The following PTPRM variants were observed in gnomAD, a reference collection of about 807,000 sequenced individuals.
The protein encoded by PTPRM is receptor-type tyrosine-protein phosphatase mu.
PTPRM carries 47 observed loss-of-function variants against 186.7 expected under a neutral mutation model. That is an observed-to-expected ratio of 0.25 (90% CI 0.20 to 0.32). The LOEUF is 0.32. PTPRM is among the 10% of genes least tolerant of loss of function. The probability of loss-of-function intolerance (pLI) is 1.00; values close to 1 mark genes in which losing one functional copy is unlikely to be tolerated. For missense variants in PTPRM, 1,494 were observed against 1,865.0 expected (o/e 0.80, Z 3.66); for synonymous variants, 668 against 674.9 (o/e 0.99, Z 0.16).
At chr18:7,684,594 C>A (rs908161842) in intron 1 of PTPRM, among the ~76,000 whole-genome samples, 1 of 152,144 alleles carries the variant, frequency 6.6e-6, no homozygotes, top group Non-Finnish European at 1.5e-5. Context: ...TAGAATCATA[C>A]GCTATTTGTC....
At chr18:8,304,820 T>A (rs1367287751) in intron 20 of PTPRM, among the ~76,000 whole-genome samples, 1 of 44,148 alleles carries the variant, frequency 2.3e-5, no homozygotes, top group Non-Finnish European at 5.2e-5. Flanking sequence ...CTGTTGACTT[T>A]ATTTTTTTTT....
chr18:7,772,353 TTCTTTCTTTC>T (rs2042329538), intron 1 of PTPRM, among the ~76,000 whole-genome samples: 1 of 17,008 alleles, frequency 5.9e-5, no homozygotes, highest in Non-Finnish European at 1.5e-4. Flanking sequence ...TTCTTTCTCT[TTCTTTCTTTC>T]TTTCTTTCTT....
intron 14 of PTPRM, among the ~76,000 whole-genome samples, chr18:8,219,519 A>T (rs1316046269): frequency 6.6e-6 from 1 of 152,166 alleles, no homozygotes; most frequent in Non-Finnish European, 1.5e-5. Context: ...GCCCAAGGAA[A>T]AACAGTCTTA....
intron 2 of PTPRM, among the ~76,000 whole-genome samples, chr18:7,859,742 G>A (rs2047266845): frequency 6.6e-6 from 1 of 152,328 alleles, no homozygotes; most frequent in African/African-American, 2.4e-5. Context: ...ACCAGAGCTA[G>A]TAGAAATTCT....
intron 19 of PTPRM, among the ~76,000 whole-genome samples, chr18:8,282,658 G>A (rs1470806200): frequency 6.6e-6 from 1 of 152,060 alleles, no homozygotes; most frequent in Non-Finnish European, 1.5e-5. Context: ...GCTAAACCCT[G>A]TCGCAAAAAA....
At chr18:7,571,371 A>C (rs58012967) in intron 1 of PTPRM, among the ~76,000 whole-genome samples, 12,829 of 152,300 alleles carry the variant, frequency 0.084, 932 homozygotes, top group East Asian at 0.27. Flanking sequence ...AGACATGAGA[A>C]AGAAAGTTAA....
chr18:7,714,910 G>A (rs182278020), intron 1 of PTPRM, among the ~76,000 whole-genome samples: 112 of 152,188 alleles, frequency 7.4e-4, no homozygotes, highest in African/African-American at 2.2e-3. Flanking sequence ...AGGACCAGAC[G>A]GACTCACAGC....
intron 2 of PTPRM, among the ~76,000 whole-genome samples, chr18:7,865,294 G>T (rs1368504117): frequency 6.6e-6 from 1 of 150,574 alleles, no homozygotes; most frequent in Non-Finnish European, 1.5e-5. Flanking sequence ...TCCAGTTTTT[G>T]CCCTTCAGTA....
chr18:8,402,602 G>A (rs776488978), intron 32 of PTPRM, among the ~76,000 whole-genome samples: 26 of 152,196 alleles, frequency 1.7e-4, no homozygotes, highest in Non-Finnish European at 2.4e-4. Context: ...GGATGGGACC[G>A]TGTAGATTTC....
chr18:8,028,778 A>C (rs1263883329), intron 7 of PTPRM, among the ~76,000 whole-genome samples: 1 of 152,222 alleles, frequency 6.6e-6, no homozygotes, highest in Non-Finnish European at 1.5e-5. Context: ...GCTGAATAAC[A>C]ATAGCATTTA....
chr18:7,881,796 C>T (rs1009267554), intron 2 of PTPRM, among the ~76,000 whole-genome samples: 2 of 152,142 alleles, frequency 1.3e-5, no homozygotes, highest in African/African-American at 4.8e-5. Flanking sequence ...TTCCTTGAAG[C>T]CGGGTCTTTT....
chr18:8,072,328 C>T (rs1321736624), intron 8 of PTPRM, among the ~76,000 whole-genome samples: 1 of 152,132 alleles, frequency 6.6e-6, no homozygotes, highest in Non-Finnish European at 1.5e-5. Context: ...TGAGAACTGT[C>T]ATGAGCTAGG....
At chr18:8,069,555 G>T in intron 7 of PTPRM, 131 bp from the exon 8 acceptor site, 1 of 814,614 alleles carries the variant, frequency 1.2e-6, no homozygotes. Flanking sequence ...CAAGATTTAG[G>T]GATTTATTAT....
chr18:7,776,304 A>G (rs1685273058), intron 2 of PTPRM, among the ~76,000 whole-genome samples: 2 of 152,094 alleles, frequency 1.3e-5, no homozygotes, highest in South Asian at 2.1e-4. Context: ...CTCACCCCCA[A>G]ACAGATTGCA....
intron 2 of PTPRM, among the ~76,000 whole-genome samples, chr18:7,789,755 G>A (rs2043250506): frequency 1.3e-5 from 2 of 152,182 alleles, no homozygotes; most frequent in African/African-American, 4.8e-5. Context: ...GGGAAGGGTT[G>A]CCTTCGCTGA....
At chr18:7,847,886 C>A (rs2046674413) in intron 2 of PTPRM, among the ~76,000 whole-genome samples, 1 of 152,078 alleles carries the variant, frequency 6.6e-6, no homozygotes, top group Admixed American at 6.6e-5. Flanking sequence ...TCAGAGAGGC[C>A]CCCTCAAGGG....
At chr18:8,074,357 A>G (rs1000779320) in intron 8 of PTPRM, among the ~76,000 whole-genome samples, 20 of 152,230 alleles carry the variant, frequency 1.3e-4, no homozygotes, top group Admixed American at 2.6e-4. Context: ...TAATGCTGCT[A>G]TGTATATTCA....
rs554364872 is a variant in PTPRM at position 8,405,706 on chromosome 18, G to C, written c.4345-403G>C. Among the ~76,000 whole-genome samples the C allele has an allele frequency of 2.6e-5, 4 of 152,310 alleles. No homozygotes were observed. In the South Asian group the frequency reaches 8.3e-4, roughly 32 times the overall value. ...AAGGTAAAGCTGGATCATGCATGAG[G>C]CCTCATCTAGGTACCAAGGGCCTTG... On this transcript the variant is annotated intron_variant, in intron 32 of 32. Coordinates refer to ENST00000580170, the MANE Select transcript of PTPRM (RefSeq NM_001105244.2).
intron 1 of PTPRM, among the ~76,000 whole-genome samples, chr18:7,651,132 A>G (rs1284350831): frequency 2.6e-5 from 4 of 151,862 alleles, no homozygotes; most frequent in African/African-American, 9.7e-5. Context: ...GAGTTTCACC[A>G]GGCTGGTCTC....
Sources: gnomAD v4.1 joint callset for allele counts (sites outside exome capture counted in the v4.1 genomes callset) on GRCh38, gnomAD v4.1.1 for gene constraint, MANE v1.5 for transcripts, NCBI Gene and HGNC (gene_info 2026-07-23, HGNC 2026-07-21) for gene names.